Variants in MAGI1 observed in about 807,000 individuals in gnomAD.
The protein encoded by MAGI1 is membrane associated guanylate kinase, WW and PDZ domain containing 1.
A neutral mutation model predicts 139.9 loss-of-function variants in MAGI1; 58 were observed. The ratio of observed to expected loss-of-function variants is 0.41; its 90% CI spans 0.34 to 0.52. The LOEUF (loss-of-function observed/expected upper bound fraction) is 0.52. MAGI1 is among the 20% of genes least tolerant of loss of function. The pLI is 0.12. For synonymous variants in MAGI1, 812 were observed against 737.9 expected, an observed-to-expected ratio of 1.10 and a Z score of -1.63; for missense variants, 1,874 against 1,901.6, an observed-to-expected ratio of 0.99 and a Z score of 0.27.
intron 1 of MAGI1, among the ~76,000 whole-genome samples, chr3:65,649,735 T>C (rs1170305549): frequency 6.6e-6 from 1 of 152,210 alleles, no homozygotes; most frequent in East Asian, 1.9e-4. Context: ...AAGATAGTGA[T>C]GGCAAATAAG....
intron 1 of MAGI1, among the ~76,000 whole-genome samples, chr3:65,842,901 C>G (rs17438844): frequency 0.089 from 13,480 of 152,174 alleles, 779 homozygotes; most frequent in South Asian, 0.17. Context: ...CAATGGGAGA[C>G]AGTGGCTTTT....
Position 65,478,605 on chromosome 3 carries a change from G to T in MAGI1, c.744C>A (p.Asn248Lys). The change falls in exon 4 of 23, where the codon AAC becomes AAA. Residue 248 changes from asparagine to lysine, a missense_variant. Around this residue, in one of 5 missense-constraint regions of MAGI1, gnomAD observed 648 missense variants for 598.1 expected, o/e 1.08. Transcript: ENST00000402939. ...TCTGACCTTTACCTGTAAAGCTGCT[G>T]TTCATTTCAGGAACGTCATCCTCCT... is the stretch of plus-strand genomic sequence containing the variant. ...NEEEDDVPEM[N>K]SSFTADSGEQ... is the part of the protein sequence containing the mutation. 2 of 1,613,966 alleles carry T rather than the reference G, an allele frequency of 1.2e-6. No homozygotes were observed. The highest frequency in any genetic ancestry group is 1.7e-6 in the Non-Finnish European group (2 of 1,179,924).
chr3:65,950,342 T>C (rs551495314), intron 1 of MAGI1, among the ~76,000 whole-genome samples: 26 of 152,102 alleles, frequency 1.7e-4, no homozygotes, highest in African/African-American at 5.3e-4. Flanking sequence ...TCTGGGTTCT[T>C]TGAAGCCTCA....
intron 1 of MAGI1, among the ~76,000 whole-genome samples, chr3:65,920,135 C>A (rs1224838460): frequency 1.3e-5 from 2 of 152,188 alleles, no homozygotes; most frequent in Non-Finnish European, 2.9e-5. Flanking sequence ...TTACCCACAA[C>A]AGTCCTGTTC....
At chr3:65,681,554 G>A (rs1276599807) in intron 1 of MAGI1, among the ~76,000 whole-genome samples, 1 of 152,188 alleles carries the variant, frequency 6.6e-6, no homozygotes, top group African/African-American at 2.4e-5. Context: ...CTGTCACACT[G>A]TTTAGAAACA....
intron 1 of MAGI1, among the ~76,000 whole-genome samples, chr3:66,010,077 CAAAAAAAAAAAAAA>C (rs60882502): frequency 5.7e-5 from 4 of 69,790 alleles, no homozygotes; most frequent in African/African-American, 5.9e-5. Flanking sequence ...CTCTCTGTCT[CAAAAAAAAAAAAAA>C]AAAAAAAAAA....
chr3:65,806,893 T>C (rs931562002), intron 1 of MAGI1, among the ~76,000 whole-genome samples: 9 of 152,136 alleles, frequency 5.9e-5, no homozygotes, highest in African/African-American at 2.2e-4. Flanking sequence ...GCAATAACCA[T>C]CCATCATTTG....
At chr3:65,506,937 G>C (rs1221500883) in intron 2 of MAGI1, among the ~76,000 whole-genome samples, 1 of 152,192 alleles carries the variant, frequency 6.6e-6, no homozygotes, top group East Asian at 1.9e-4. Context: ...AGTTGACATA[G>C]GCATGATAGT....
chr3:65,799,189 A>G (rs576280581), intron 1 of MAGI1, among the ~76,000 whole-genome samples: 1 of 152,318 alleles, frequency 6.6e-6, no homozygotes, highest in Non-Finnish European at 1.5e-5. Flanking sequence ...AAGGAAAAAG[A>G]AATTCGTGCT....
At chr3:65,971,461 C>T (rs549773535) in intron 1 of MAGI1, among the ~76,000 whole-genome samples, 1 of 152,234 alleles carries the variant, frequency 6.6e-6, no homozygotes, top group Admixed American at 6.5e-5. Flanking sequence ...GCACTTCAGG[C>T]CTCAACATTC....
At chr3:65,932,795 C>T (rs2062865525) in intron 1 of MAGI1, among the ~76,000 whole-genome samples, 1 of 151,100 alleles carries the variant, frequency 6.6e-6, no homozygotes, top group South Asian at 2.1e-4. Context: ...CCTCTCCATC[C>T]TTCCCCTTGG....
chr3:65,744,631 T>C (rs1251573636), intron 1 of MAGI1, among the ~76,000 whole-genome samples: 1 of 152,094 alleles, frequency 6.6e-6, no homozygotes, highest in Non-Finnish European at 1.5e-5. Flanking sequence ...AGATATAGAC[T>C]ATATTATACT....
At chr3:65,422,930 T>A (rs1946734097) in intron 12 of MAGI1, among the ~76,000 whole-genome samples, 1 of 152,112 alleles carries the variant, frequency 6.6e-6, no homozygotes, top group Non-Finnish European at 1.5e-5. Flanking sequence ...CATGAGGAAC[T>A]GCCTTGATCT....
chr3:65,734,572 A>G (rs1242045500), intron 1 of MAGI1, among the ~76,000 whole-genome samples: 3 of 148,538 alleles, frequency 2.0e-5, no homozygotes, highest in Non-Finnish European at 4.5e-5. Context: ...AGAGAGAGGG[A>G]GAGAGAGAGA....
intron 1 of MAGI1, among the ~76,000 whole-genome samples, chr3:65,963,245 G>A (rs1218819936): frequency 6.7e-6 from 1 of 149,974 alleles, no homozygotes; most frequent in Admixed American, 6.7e-5. Flanking sequence ...CCGGGAGGTG[G>A]AGGTTGCAGT....
chr3:65,973,493 C>T (rs2065107599), intron 1 of MAGI1, among the ~76,000 whole-genome samples: 1 of 152,160 alleles, frequency 6.6e-6, no homozygotes, highest in African/African-American at 2.4e-5. Context: ...TGTGTACACA[C>T]AGGAGATGGT....
chr3:65,675,187 A>G (rs1427078621), intron 1 of MAGI1, among the ~76,000 whole-genome samples: 1 of 152,228 alleles, frequency 6.6e-6, no homozygotes, highest in Admixed American at 6.5e-5. Context: ...AAATAAAATT[A>G]TGATATTCAT....
chr3:65,604,198 A>G (rs2106866185), intron 2 of MAGI1, among the ~76,000 whole-genome samples: 1 of 152,266 alleles, frequency 6.6e-6, no homozygotes, highest in South Asian at 2.1e-4. Context: ...AATGCAAAAA[A>G]AAAAAGTATC....
At chr3:65,396,522 A>T (rs1382317914) in intron 13 of MAGI1, among the ~76,000 whole-genome samples, 1 of 152,232 alleles carries the variant, frequency 6.6e-6, no homozygotes, top group East Asian at 1.9e-4. Flanking sequence ...ACTCATCAGT[A>T]TTTCCCAGAA....
Sources: allele counts gnomAD v4.1 joint callset (sites outside exome capture counted in the v4.1 genomes callset), GRCh38; gene constraint gnomAD v4.1.1; regional missense constraint gnomAD v4.1.1; transcripts MANE v1.5; gene names NCBI Gene and HGNC (gene_info 2026-07-23, HGNC 2026-07-21).